Variants in BCAS1 observed in about 807,000 individuals in gnomAD.
BCAS1 encodes the protein breast carcinoma-amplified sequence 1.
BCAS1 carries 46 observed loss-of-function variants against 65.4 expected under a neutral mutation model. The ratio of observed to expected loss-of-function variants is 0.70; its 90% CI spans 0.55 to 0.90. The LOEUF is 0.90. BCAS1 is among the 40% of genes least tolerant of loss of function. The probability of loss-of-function intolerance (pLI) is 0.00; values close to 1 mark genes in which losing one functional copy is unlikely to be tolerated. For missense variants in BCAS1, 793 were observed against 771.2 expected (o/e 1.03, Z -0.33); for synonymous variants, 298 against 293.5 (o/e 1.02, Z -0.16).
At chr20:54,034,915 T>C (rs1462207988) in intron 3 of BCAS1, among the ~76,000 whole-genome samples, 2 of 151,286 alleles carry the variant, frequency 1.3e-5, no homozygotes, top group Admixed American at 6.6e-5. Context: ...CAAAACAGCA[T>C]ACTACTGGTA....
chr20:53,971,213 T>C (rs1156362823), intron 9 of BCAS1, among the ~76,000 whole-genome samples: 1 of 152,208 alleles, frequency 6.6e-6, no homozygotes, highest in Non-Finnish European at 1.5e-5. Context: ...TGGGTAGAAA[T>C]GACATATACC....
At chr20:54,024,127 G>T (rs186358782) in intron 4 of BCAS1, among the ~76,000 whole-genome samples, 1 of 152,302 alleles carries the variant, frequency 6.6e-6, no homozygotes, top group Admixed American at 6.5e-5. Flanking sequence ...GGAAACTGAG[G>T]CTCAGGAGGT....
At chr20:54,024,805 T>TG (rs2091635734) in intron 4 of BCAS1, among the ~76,000 whole-genome samples, 1 of 152,080 alleles carries the variant, frequency 6.6e-6, no homozygotes, top group Non-Finnish European at 1.5e-5. Context: ...ACCTATAGGA[T>TG]TTGGCAGCCA....
chr20:53,946,798 T>C (rs971864891), intron 12 of BCAS1, among the ~76,000 whole-genome samples: 4 of 151,498 alleles, frequency 2.6e-5, no homozygotes, highest in Non-Finnish European at 4.4e-5. Context: ...GTATATAGTA[T>C]AGGAAAGGGA....
In BCAS1 at chr20:54,028,856, CG is replaced by C; in HGVS notation, c.258del (p.Glu87ArgfsTer11). The C allele has an allele frequency of 6.2e-7, 1 of 1,613,948 alleles. No individual in the cohort carries two copies. The highest frequency in any genetic ancestry group is 8.5e-7 in the Non-Finnish European group (1 of 1,180,012). ...NGKNLGKEAK[P>X]EAPAAKSRFF... ...AAACGAGATTTAGCAGCTGGTGCCT[CG>C]GGTTTGGCCTCTTTCCCAAGATTCT... On this transcript the variant is annotated frameshift_variant, in exon 4 of 13. Coordinates refer to ENST00000688948, the MANE Select transcript of BCAS1 (RefSeq NM_001366298.2). LOFTEE classifies it high-confidence loss of function.
chr20:54,047,439 G>C (rs897083499), intron 3 of BCAS1, among the ~76,000 whole-genome samples: 4 of 152,196 alleles, frequency 2.6e-5, no homozygotes, highest in African/African-American at 9.7e-5. Flanking sequence ...AATGCAATAG[G>C]GAAGATAATT....
At chr20:53,964,228 G>T (rs972420369) in intron 10 of BCAS1, among the ~76,000 whole-genome samples, 1 of 152,184 alleles carries the variant, frequency 6.6e-6, no homozygotes, top group Non-Finnish European at 1.5e-5. Context: ...CTCTATCAGG[G>T]ATTGCAAACT....
chr20:53,966,077 TA>T (rs1219346618), intron 10 of BCAS1, among the ~76,000 whole-genome samples: 1 of 152,082 alleles, frequency 6.6e-6, no homozygotes, highest in Non-Finnish European at 1.5e-5. Context: ...GGAGATTCCT[TA>T]AAAAACTAAA....
Position 53,970,144 on chromosome 20 carries a change from T to C in BCAS1, c.1318-3071A>G, listed in dbSNP as rs144849373. 2.6e-5 allele frequency among the ~76,000 whole-genome samples: 4 copies of C among 152,308 alleles called. No individual in the cohort carries two copies. In the East Asian group the frequency reaches 5.8e-4, roughly 22 times the overall value. ...ATTACTCATAAATAAAATGATCAGA[T>C]TGTATGGCAATAACTCTGTAAATCA... On this transcript the variant is annotated intron_variant, in intron 9 of 12. Coordinates refer to ENST00000688948, the MANE Select transcript of BCAS1 (RefSeq NM_001366298.2).
chr20:54,058,505 T>C, intron 2 of BCAS1, 142 bp downstream of exon 2: 1 of 1,418,170 alleles, frequency 7.1e-7, no homozygotes, highest in South Asian at 1.5e-5. Flanking sequence ...ACCTTTTAGG[T>C]TATCCTCGCT....
chr20:54,037,177 C>T (rs573582083), intron 3 of BCAS1, among the ~76,000 whole-genome samples: 22 of 151,416 alleles, frequency 1.5e-4, no homozygotes, highest in African/African-American at 5.3e-4. Context: ...GTTTAATTGA[C>T]TCACAGTTCA....
intron 1 of BCAS1, among the ~76,000 whole-genome samples, chr20:54,069,685 A>T (rs922613142): frequency 6.6e-6 from 1 of 152,258 alleles, no homozygotes; most frequent in Non-Finnish European, 1.5e-5. Flanking sequence ...CGGGCAGTAG[A>T]GTCCTCTCAG....
At chr20:53,957,607 C>G in intron 10 of BCAS1, 110 bp from the exon 11 acceptor site, 1 of 1,024,436 alleles carries the variant, frequency 9.8e-7, no homozygotes, top group Non-Finnish European at 1.5e-6. Context: ...GGTTTGGGGT[C>G]AAGACAAATG....
intron 3 of BCAS1, among the ~76,000 whole-genome samples, chr20:54,050,154 T>G (rs1303402861): frequency 2.0e-5 from 3 of 152,172 alleles, no homozygotes; most frequent in Non-Finnish European, 4.4e-5. Context: ...TCTCTCTTTG[T>G]GACATCTGCT....
intron 4 of BCAS1, among the ~76,000 whole-genome samples, chr20:54,004,720 TTATGCTTTCACTGTG>T (rs1185471169): frequency 6.6e-6 from 1 of 151,982 alleles, no homozygotes; most frequent in Non-Finnish European, 1.5e-5. Context: ...GGCTCTGAAG[TTATGCTTTCACTGTG>T]TATTGTGGAC....
rs752165683 is a variant in BCAS1, at chr20:53,966,897, G to A, written c.1485+9C>T. 6.3e-7 allele frequency: 1 copy of A among 1,599,576 alleles called. No individual in the cohort carries two copies. Among genetic ancestry groups the A allele is most frequent in the Non-Finnish European group, 8.5e-7 (1 of 1,175,378 alleles). On this transcript the variant is annotated intron_variant, in intron 10 of 12. Coordinates refer to ENST00000688948, the MANE Select transcript of BCAS1 (RefSeq NM_001366298.2). ...CTTAGGTTTCCTATACTGGAAGTAA[G>A]GGGCTTACCATTTGTCTGAGAAACG... is the stretch of plus-strand genomic sequence containing the variant.
At position 53,985,466 on chromosome 20, in the gene BCAS1, G is replaced by A. The variant is rs2090593016; in HGVS notation, c.1096C>T (p.Leu366Phe). 6.2e-7 allele frequency: 1 copy of A among 1,613,674 alleles called. No homozygotes were observed. The highest frequency in any genetic ancestry group is 8.5e-7 in the Non-Finnish European group (1 of 1,179,932). ...GTAAAGTTGGCTTTGTCTGACTTAA[G>A]GTCAGCTGAAGTGGTGGGTGACTTT... ...AEKSPTTSAD[L>F]KSDKANFTSQ... The change falls in exon 8 of 13, where the codon CTT (leucine) becomes TTT (phenylalanine). Residue 366 changes from leucine (L) to phenylalanine (F), a missense_variant. Physicochemically the swap from Leu to Phe is conservative, Grantham distance 22. Transcript: ENST00000688948.
At chr20:53,992,727 T>C in intron 6 of BCAS1, 81 bp from the exon 7 acceptor site, 3 of 1,286,790 alleles carry the variant, frequency 2.3e-6, no homozygotes, top group Non-Finnish European at 3.1e-6. Flanking sequence ...TTAAAGTGCA[T>C]TAATACGCTG....
chr20:54,025,649 G>T (rs1028283524), intron 4 of BCAS1, among the ~76,000 whole-genome samples: 1 of 152,132 alleles, frequency 6.6e-6, no homozygotes, highest in African/African-American at 2.4e-5. Flanking sequence ...CATAAAAATG[G>T]GGGGAAGGGC....
Sources: allele counts gnomAD v4.1 joint callset (sites outside exome capture counted in the v4.1 genomes callset), GRCh38; gene constraint gnomAD v4.1.1; transcripts MANE v1.5; gene names NCBI Gene and HGNC (gene_info 2026-07-23, HGNC 2026-07-21).